The following GPC4 variants were observed in gnomAD, a reference collection of about 807,000 sequenced individuals.
GPC4 encodes glypican-4.
In GPC4, 10 loss-of-function variants were observed where a neutral mutation model predicts 35.0. That is an observed-to-expected ratio of 0.29 (90% CI 0.18 to 0.48). GPC4 has a LOEUF of 0.48. GPC4 is among the 20% of genes least tolerant of loss of function. The probability of loss-of-function intolerance (pLI) is 0.99; values close to 1 mark genes in which losing one functional copy is unlikely to be tolerated. For missense variants in GPC4, 322 were observed against 451.3 expected, an observed-to-expected ratio of 0.71 and a Z score of 2.60; for synonymous variants, 167 against 170.2, an observed-to-expected ratio of 0.98 and a Z score of 0.15.
At chrX:133,355,409 GT>G (rs2068537370) in intron 1 of GPC4, among the ~76,000 whole-genome samples, 1 of 111,990 alleles carries the variant, frequency 8.9e-6, no homozygotes, top group African/African-American at 3.2e-5. Flanking sequence ...AAAAAGCATT[GT>G]TTCGTTATTA....
intron 4 of GPC4, among the ~76,000 whole-genome samples, chrX:133,309,378 G>A (rs190822896): frequency 6.2e-5 from 7 of 112,461 alleles, no homozygotes; most frequent in Admixed American, 3.8e-4. Context: ...CTTTGTTTTC[G>A]AGTAACTGAT....
chrX:133,381,098 G>C (rs2068658557), intron 1 of GPC4, among the ~76,000 whole-genome samples: 1 of 111,443 alleles, frequency 9.0e-6, no homozygotes, highest in Non-Finnish European at 1.9e-5. Flanking sequence ...GAGGCACATG[G>C]TAGAAAAAAT....
At chrX:133,394,845 G>A (rs1402811784) in intron 1 of GPC4, among the ~76,000 whole-genome samples, 4 of 111,686 alleles carry the variant, frequency 3.6e-5, no homozygotes, top group African/African-American at 9.8e-5. Flanking sequence ...ATCTTCTATT[G>A]GAAGATCAGT....
At chrX:133,397,435 T>C (rs952124568) in intron 1 of GPC4, among the ~76,000 whole-genome samples, 3 of 110,454 alleles carry the variant, frequency 2.7e-5, no homozygotes, top group Admixed American at 1.9e-4. Flanking sequence ...TGTGTGCTTG[T>C]GATCTCAGCT....
chrX:133,397,556 C>CA lies in GPC4; in HGVS notation c.160+17249dup, dbSNP rs111513469. Among the ~76,000 whole-genome samples, 501 of 95,652 alleles carry CA rather than the reference C, an allele frequency of 5.2e-3. 3 individuals are homozygous for CA. The highest frequency in any genetic ancestry group is 0.017 in the African/African-American group (439 of 26,142). 83.1% of individuals were successfully genotyped at this position (95,652 alleles called of 115,157 possible). A position where few individuals can be genotyped will look rare whatever the true frequency, so the allele number is the denominator to read the frequency against. ...TGGGTGACAGAGTAAGACCTTGTCT[C>CA]AAAAAAAAAAAAGTAAAAATAAAAA... On this transcript the variant is annotated intron_variant, in intron 1 of 8. Coordinates refer to ENST00000370828, the MANE Select transcript of GPC4 (RefSeq NM_001448.3).
intron 1 of GPC4, among the ~76,000 whole-genome samples, chrX:133,394,884 G>T (rs1569355742): frequency 8.9e-6 from 1 of 111,878 alleles, no homozygotes; most frequent in East Asian, 2.8e-4. Flanking sequence ...AAATTATGTT[G>T]ACAACACTGA....
In GPC4 at chrX:133,347,248, G is replaced by GTTTTGT. The variant is rs2068495689; in HGVS notation, c.161-7908_161-7907insACAAAA. Among the ~76,000 whole-genome samples the GTTTTGT allele has an allele frequency of 2.0e-4, 5 of 25,426 alleles. 1 individual carries two copies. Among genetic ancestry groups the GTTTTGT allele is most frequent in the South Asian group, 0.011 (2 of 182 alleles). 22.1% of individuals were successfully genotyped at this position (25,426 alleles called of 115,157 possible). A position where few individuals can be genotyped will look rare whatever the true frequency, so the allele number is the denominator to read the frequency against. On this transcript the variant is annotated intron_variant, in intron 1 of 8. Coordinates refer to ENST00000370828, the MANE Select transcript of GPC4 (RefSeq NM_001448.3). ...TAAATCTAAAACTCTTCTATTAGAA[G>GTTTTGT]TTTTTTTTTTTTTTTTTTTTTTTTT... is the stretch of plus-strand genomic sequence containing the variant.
At chrX:133,360,966 G>C (rs2068564742) in intron 1 of GPC4, among the ~76,000 whole-genome samples, 1 of 111,748 alleles carries the variant, frequency 8.9e-6, no homozygotes, top group African/African-American at 3.3e-5. Flanking sequence ...AAATACTTTA[G>C]AAATATTTTC....
rs753388823 is a variant in GPC4, at chrX:133,301,744, T to A, written c.*1123A>T. 1 of 112,072 alleles carries A rather than the reference T, an allele frequency of 8.9e-6. No homozygotes were observed. The highest frequency in any genetic ancestry group is 3.7e-4 in the South Asian group (1 of 2,690). The allele number at this position is 112,072 out of a possible 1,213,427, so 9.2% of individuals were successfully genotyped here. A position where few individuals can be genotyped will look rare whatever the true frequency, so the allele number is the denominator to read the frequency against. On this transcript the variant is annotated 3_prime_UTR_variant, in exon 9 of 9. Coordinates refer to ENST00000370828, the MANE Select transcript of GPC4 (RefSeq NM_001448.3). ...TCAAATGAGACACCTTATACTCTCT[T>A]AAAACAAAAACTGGGATCCCAAAAC... is the stretch of plus-strand genomic sequence containing the variant.
At chrX:133,372,067 C>A (rs1467283443) in intron 1 of GPC4, among the ~76,000 whole-genome samples, 1 of 109,632 alleles carries the variant, frequency 9.1e-6, no homozygotes, top group Non-Finnish European at 1.9e-5. Context: ...AACCACATCT[C>A]TACTAAAAAT....
intron 4 of GPC4, among the ~76,000 whole-genome samples, chrX:133,308,935 C>T (rs1485371278): frequency 7.4e-5 from 8 of 108,704 alleles, no homozygotes; most frequent in African/African-American, 2.7e-4. Context: ...AGCCCTTGAC[C>T]ATTCATTAGC....
At position 133,385,102 on chromosome X, in the gene GPC4, T is replaced by C. The variant is rs192614325; in HGVS notation, c.160+29704A>G. On this transcript the variant is annotated intron_variant, in intron 1 of 8. Transcript: ENST00000370828. The stretch of plus-strand genomic sequence containing the variant: ...CCTCGTTATCACTGTCCTGCACCTT[T>C]CCAGCTGTGAGTGAATAAAGTAAGT... 8.9e-5 allele frequency among the ~76,000 whole-genome samples: 10 copies of C among 112,386 alleles called. No individual in the cohort carries two copies. In the South Asian group the frequency reaches 3.0e-3, roughly 33 times the overall value.
intron 3 of GPC4, among the ~76,000 whole-genome samples, chrX:133,320,163 A>G (rs1372258290): frequency 8.9e-6 from 1 of 111,972 alleles, no homozygotes; most frequent in Admixed American, 9.5e-5. Flanking sequence ...ATTTTCAGCT[A>G]AACAATTGGC....
intron 2 of GPC4, among the ~76,000 whole-genome samples, chrX:133,332,652 G>A (rs780074957): frequency 9.0e-6 from 1 of 111,726 alleles, no homozygotes; most frequent in Admixed American, 9.5e-5. Flanking sequence ...ACCCATTTTG[G>A]CCTCCCAAAC....
chrX:133,338,519 T>C (rs1396891515), intron 2 of GPC4, among the ~76,000 whole-genome samples: 1 of 111,994 alleles, frequency 8.9e-6, no homozygotes, highest in East Asian at 2.8e-4. Context: ...TTGGCTCATA[T>C]TGGCTATTTC....
chrX:133,375,494 A>G (rs770237839), intron 1 of GPC4, among the ~76,000 whole-genome samples: 1 of 112,361 alleles, frequency 8.9e-6, no homozygotes, highest in African/African-American at 3.2e-5. Context: ...AAAAGAAAAA[A>G]TCCTTAATGG....
In GPC4 at chrX:133,302,152, T is replaced by C. The variant is rs1415996617; in HGVS notation, c.*715A>G. 5.3e-5 allele frequency: 6 copies of C among 112,483 alleles called. No individual in the cohort carries two copies. The allele number at this position is 112,483 out of a possible 1,213,427, so 9.3% of individuals were successfully genotyped here. A position where few individuals can be genotyped will look rare whatever the true frequency, so the allele number is the denominator to read the frequency against. On this transcript the variant is annotated 3_prime_UTR_variant, in exon 9 of 9. Transcript: ENST00000370828. ...GGACCTATAGTGATCTTAGCTTATG[T>C]AATTCAACTCATTCAAAGCAGTAGT...
chrX:133,347,661 C>T (rs1400873655), intron 1 of GPC4, among the ~76,000 whole-genome samples: 3 of 110,916 alleles, frequency 2.7e-5, no homozygotes, highest in Non-Finnish European at 5.7e-5. Context: ...TTCATGGGAA[C>T]AAAGAAAGAA....
At chrX:133,408,231 T>A (rs1247399003) in intron 1 of GPC4, among the ~76,000 whole-genome samples, 1 of 112,604 alleles carries the variant, frequency 8.9e-6, no homozygotes, top group African/African-American at 3.2e-5. Flanking sequence ...TATGTCTGTT[T>A]ATTTATATAA....
Sources: allele counts gnomAD v4.1 joint callset (sites outside exome capture counted in the v4.1 genomes callset), GRCh38; gene constraint gnomAD v4.1.1; transcripts MANE v1.5; gene names NCBI Gene and HGNC (gene_info 2026-07-23, HGNC 2026-07-21).